The following GRM5 variants were observed in gnomAD, a reference collection of about 807,000 sequenced individuals.
GRM5 encodes metabotropic glutamate receptor 5.
GRM5 carries 19 observed loss-of-function variants against 83.1 expected under a neutral mutation model. The ratio of observed to expected loss-of-function variants is 0.23; its 90% CI spans 0.16 to 0.34. The LOEUF (loss-of-function observed/expected upper bound fraction) is 0.34, where lower values mean the gene tolerates loss of function less well. GRM5 is among the 10% of genes least tolerant of loss of function. The pLI, the probability that GRM5 is intolerant of heterozygous loss-of-function variation, is 1.00. For missense variants in GRM5, 1,160 were observed against 1,588.3 expected (o/e 0.73, Z 4.58); for synonymous variants, 675 against 633.6 (o/e 1.07, Z -0.98).
chr11:88,793,163 T>C lies in GRM5; in HGVS notation c.911+56743A>G, dbSNP rs999451295. ...AGTTGCCACCTAACTGAATAACTCA[T>C]ATCAATCCTAACTGAAAGCACAACA... On this transcript the variant is annotated intron_variant, in intron 3 of 9. Transcript: ENST00000305447. 6.6e-5 allele frequency among the ~76,000 whole-genome samples: 10 copies of C among 152,282 alleles called. No homozygotes were observed. In the South Asian group the frequency reaches 1.9e-3, roughly 28 times the overall value.
chr11:88,806,377 A>T (rs1411002913), intron 3 of GRM5, among the ~76,000 whole-genome samples: 3 of 152,134 alleles, frequency 2.0e-5, no homozygotes, highest in Non-Finnish European at 4.4e-5. Flanking sequence ...TTTATTTTAA[A>T]TCCTCTGGAA....
intron 3 of GRM5, among the ~76,000 whole-genome samples, chr11:88,766,858 A>G (rs1006115069): frequency 6.6e-6 from 1 of 152,056 alleles, no homozygotes; most frequent in Non-Finnish European, 1.5e-5. Context: ...TTCACAAGCA[A>G]AAACCAAACA....
intron 3 of GRM5, among the ~76,000 whole-genome samples, chr11:88,813,905 C>T (rs1164399390): frequency 6.6e-6 from 1 of 151,752 alleles, no homozygotes; most frequent in Non-Finnish European, 1.5e-5. Context: ...CCTATATATC[C>T]TAAAAATTTT....
At chr11:88,572,064 A>C in intron 7 of GRM5, among the ~76,000 whole-genome samples, 1 of 152,226 alleles carries the variant, frequency 6.6e-6, no homozygotes, top group Admixed American at 6.5e-5. Context: ...ATGAGGGCTT[A>C]GGAAGCAAAG....
At chr11:88,995,353 T>G (rs1430055644) in intron 2 of GRM5, among the ~76,000 whole-genome samples, 6 of 151,868 alleles carry the variant, frequency 4.0e-5, no homozygotes, top group Admixed American at 3.3e-4. Flanking sequence ...AAGACTATCC[T>G]GGCCAACATG....
chr11:89,012,742 A>G (rs1208650667), intron 2 of GRM5, among the ~76,000 whole-genome samples: 1 of 152,194 alleles, frequency 6.6e-6, no homozygotes, highest in African/African-American at 2.4e-5. Context: ...ATTAACGTTA[A>G]AAGAGCCTCA....
intron 3 of GRM5, among the ~76,000 whole-genome samples, chr11:88,655,931 A>G (rs969405757): frequency 6.6e-6 from 1 of 152,104 alleles, no homozygotes. Context: ...AAAAGACAAC[A>G]CTGGCTAAAT....
intron 3 of GRM5, among the ~76,000 whole-genome samples, chr11:88,844,438 A>G (rs1172863205): frequency 6.6e-6 from 1 of 152,092 alleles, no homozygotes; most frequent in Admixed American, 6.6e-5. Flanking sequence ...CTAATAATTG[A>G]CAATGTGCCC....
In GRM5 at chr11:88,952,944, T is replaced by C. The variant is rs540626434; in HGVS notation, c.661+94268A>G. Among the ~76,000 whole-genome samples the C allele has an allele frequency of 2.6e-5, 4 of 152,312 alleles. No individual in the cohort carries two copies. In the South Asian group the frequency reaches 6.2e-4, roughly 24 times the overall value. ...AAAAATAAAAATTTAATAGTTATTATATTTGAGCGTTTGGATAATGGAGGA... is the reference window on the plus strand; with the variant it reads ...AAAAATAAAAATTTAATAGTTATTACATTTGAGCGTTTGGATAATGGAGGA... On this transcript the variant is annotated intron_variant, in intron 2 of 9. Transcript: ENST00000305447.
intron 8 of GRM5, among the ~76,000 whole-genome samples, chr11:88,559,572 T>C (rs1942707065): frequency 6.6e-6 from 1 of 152,224 alleles, no homozygotes; most frequent in Admixed American, 6.5e-5. Flanking sequence ...TTTAGAGCAG[T>C]GCCTGGCCCA....
chr11:88,669,996 A>G (rs770530780), intron 3 of GRM5, among the ~76,000 whole-genome samples: 17 of 152,080 alleles, frequency 1.1e-4, no homozygotes, highest in Non-Finnish European at 2.1e-4. Flanking sequence ...AACCTTAATA[A>G]AGAACAAAGT....
At chr11:88,653,848 C>G (rs1378372556) in intron 3 of GRM5, among the ~76,000 whole-genome samples, 3 of 151,816 alleles carry the variant, frequency 2.0e-5, no homozygotes, top group Admixed American at 1.3e-4. Flanking sequence ...TCCAACATAC[C>G]TAATATTAAT....
chr11:89,040,141 A>T (rs1422869256), intron 2 of GRM5, among the ~76,000 whole-genome samples: 1 of 147,000 alleles, frequency 6.8e-6, no homozygotes, highest in East Asian at 2.0e-4. Flanking sequence ...CTGTTTGTAT[A>T]AAAAAAAAAG....
chr11:88,841,369 C>T (rs1000224762), intron 3 of GRM5, among the ~76,000 whole-genome samples: 15 of 152,168 alleles, frequency 9.9e-5, no homozygotes, highest in African/African-American at 3.4e-4. Context: ...CCTTTGCTAA[C>T]ACTAAATTCT....
At chr11:88,840,962 A>G (rs1944188425) in intron 3 of GRM5, among the ~76,000 whole-genome samples, 1 of 152,194 alleles carries the variant, frequency 6.6e-6, no homozygotes, top group Admixed American at 6.5e-5. Context: ...CTAAATGTCC[A>G]GGTCTTCTTC....
chr11:88,542,268 G>A (rs1322751745), intron 8 of GRM5, among the ~76,000 whole-genome samples: 1 of 152,086 alleles, frequency 6.6e-6, no homozygotes, highest in Non-Finnish European at 1.5e-5. Flanking sequence ...GCAAAGCCAG[G>A]ACTCATATTT....
At chr11:88,801,323 G>T (rs12293746) in intron 3 of GRM5, among the ~76,000 whole-genome samples, 4,795 of 152,184 alleles carry the variant, frequency 0.032, 225 homozygotes, top group African/African-American at 0.097. Flanking sequence ...ATAAATTACT[G>T]TTAAGTTGGT....
At chr11:88,708,709 T>A (rs1245516017) in intron 3 of GRM5, among the ~76,000 whole-genome samples, 1 of 152,096 alleles carries the variant, frequency 6.6e-6, no homozygotes, top group Admixed American at 6.6e-5. Context: ...AAAATTTATA[T>A]AGGAAAATTA....
At chr11:88,761,186 C>A (rs1270879150) in intron 3 of GRM5, among the ~76,000 whole-genome samples, 5 of 151,968 alleles carry the variant, frequency 3.3e-5, no homozygotes, top group South Asian at 2.1e-4. Flanking sequence ...CCATAGTATT[C>A]GAAGTCCTGG....
Sources: gnomAD v4.1 joint callset for allele counts (sites outside exome capture counted in the v4.1 genomes callset) on GRCh38, gnomAD v4.1.1 for gene constraint, MANE v1.5 for transcripts, NCBI Gene and HGNC (gene_info 2026-07-23, HGNC 2026-07-21) for gene names.